The following INSL6 variants were observed in gnomAD, a reference collection of about 807,000 sequenced individuals.
INSL6 encodes the protein insulin-like peptide INSL6.
In INSL6, 16 loss-of-function variants were observed where a neutral mutation model predicts 9.4. That is an observed-to-expected ratio of 1.70 (90% CI 1.15 to 2.59). The LOEUF is 2.59. INSL6 is among the 30% of genes most tolerant of loss of function. INSL6 has a pLI of 0.00. For synonymous variants in INSL6, 154 were observed against 96.9 expected, an observed-to-expected ratio of 1.59 and a Z score of -3.46; for missense variants, 391 against 257.3, an observed-to-expected ratio of 1.52 and a Z score of -3.56.
chr9:5,071,140 A>G, the INSL6 span, among the ~76,000 whole-genome samples: 2 of 152,198 alleles, frequency 1.3e-5, no homozygotes, highest in Non-Finnish European at 2.9e-5. Context: ...GAGAAATCCT[A>G]AATTAAAAGT....
rs79207414 is a variant in INSL6 at position 5,125,791 on chromosome 9, T to C, written c.*11-1280A>G. ...TAGGGTGGGTATGTATATATGTGAA[T>C]TATCTCTTCTGTGCTTTGCCTATCT... On this transcript the variant is annotated intron_variant, in intron 3 of 3. Coordinates refer to the INSL6 transcript ENST00000649639. 4.3e-3 allele frequency among the ~76,000 whole-genome samples: 534 copies of C among 123,426 alleles called. 4 individuals are homozygous for C. Among genetic ancestry groups the C allele is most frequent in the African/African-American group, 0.017 (526 of 30,838 alleles). 81.0% of individuals were successfully genotyped at this position (123,426 alleles called of 152,430 possible).
downstream of INSL6, among the ~76,000 whole-genome samples, chr9:5,121,846 G>C (rs1189661607): frequency 6.6e-6 from 1 of 152,114 alleles, no homozygotes; most frequent in Non-Finnish European, 1.5e-5. Flanking sequence ...AAATGTGCGG[G>C]AAATTACAAT....
At chr9:5,039,899 G>GT in the INSL6 span, among the ~76,000 whole-genome samples, 1 of 152,162 alleles carries the variant, frequency 6.6e-6, no homozygotes, top group African/African-American at 2.4e-5. Context: ...TAATTGATCT[G>GT]TATGTTCAAT....
the INSL6 span, among the ~76,000 whole-genome samples, chr9:5,045,419 A>G: frequency 1.3e-5 from 2 of 152,228 alleles, no homozygotes; most frequent in Admixed American, 1.3e-4. Flanking sequence ...TAAGAGATAT[A>G]TAATAAAAAT....
chr9:5,080,741 G>T, the INSL6 span: 52 of 1,273,952 alleles, frequency 4.1e-5, no homozygotes, highest in East Asian at 9.5e-4. Context: ...TGTATTTAAT[G>T]AATCATTACT....
At chr9:5,175,033 G>A (rs542326347) in intron 1 of INSL6, among the ~76,000 whole-genome samples, 76 of 151,266 alleles carry the variant, frequency 5.0e-4, no homozygotes, top group African/African-American at 1.7e-3. Flanking sequence ...TCTGCCTCCC[G>A]GGTTCACACC....
At chr9:5,061,117 C>G in the INSL6 span, among the ~76,000 whole-genome samples, 2 of 152,202 alleles carry the variant, frequency 1.3e-5, no homozygotes, top group East Asian at 3.8e-4. Flanking sequence ...GTGCTGTCAT[C>G]CAAGCCTTGT....
the INSL6 span, among the ~76,000 whole-genome samples, chr9:5,006,372 A>T: frequency 6.6e-6 from 1 of 152,194 alleles, no homozygotes; most frequent in Non-Finnish European, 1.5e-5. Flanking sequence ...GTTGCTTATC[A>T]GCTTAAGGAG....
the INSL6 span, among the ~76,000 whole-genome samples, chr9:4,996,714 G>A: frequency 5.1e-4 from 78 of 151,700 alleles, no homozygotes; most frequent in Non-Finnish European, 8.1e-4. Context: ...ACCCCTCCCT[G>A]CCACAGACTT....
intron 1 of INSL6, among the ~76,000 whole-genome samples, chr9:5,184,749 C>T (rs754132819): frequency 2.5e-4 from 38 of 152,160 alleles, no homozygotes; most frequent in Non-Finnish European, 4.7e-4. Context: ...GATAGGAGAA[C>T]GGACCAGGCC....
intron 1 of INSL6, among the ~76,000 whole-genome samples, chr9:5,170,777 A>G (rs1211398229): frequency 2.6e-5 from 4 of 152,132 alleles, no homozygotes; most frequent in African/African-American, 9.7e-5. Context: ...ACACCCCCAC[A>G]AGACTAAACC....
chr9:5,057,580 CTTTTTTTTTTTT>C, the INSL6 span, among the ~76,000 whole-genome samples: 1 of 116,800 alleles, frequency 8.6e-6, no homozygotes, highest in Non-Finnish European at 1.7e-5. Flanking sequence ...ATTCTACTTT[CTTTTTTTTTTTT>C]TTTTTTTTTG....
chr9:5,073,784 G>A, the INSL6 span: 3 of 1,595,414 alleles, frequency 1.9e-6, no homozygotes, highest in Non-Finnish European at 2.6e-6. Context: ...GTGGAGACGA[G>A]AGTAAGTAAA....
At chr9:5,158,119 G>T (rs1352814858) in intron 2 of INSL6, among the ~76,000 whole-genome samples, 1 of 152,122 alleles carries the variant, frequency 6.6e-6, no homozygotes, top group Admixed American at 6.5e-5. Flanking sequence ...TAGTGAAACT[G>T]AAGACAGGCT....
chr9:5,142,823 T>C (rs539843069), intron 2 of INSL6, among the ~76,000 whole-genome samples: 4 of 152,338 alleles, frequency 2.6e-5, no homozygotes, highest in East Asian at 3.9e-4. Flanking sequence ...CAGTATGATA[T>C]TGGCTGTGGG....
At chr9:5,035,234 A>C in the INSL6 span, among the ~76,000 whole-genome samples, 1 of 152,252 alleles carries the variant, frequency 6.6e-6, no homozygotes, top group African/African-American at 2.4e-5. Flanking sequence ...AATTGAGGCA[A>C]TAATTAATAG....
chr9:5,130,433 C>CAT (rs1173051964), intron 3 of INSL6, among the ~76,000 whole-genome samples: 1 of 152,068 alleles, frequency 6.6e-6, no homozygotes, highest in Non-Finnish European at 1.5e-5. Context: ...GTAGAGCAGG[C>CAT]ATATTACAGA....
chr9:5,113,255 T>C, the INSL6 span, among the ~76,000 whole-genome samples: 3 of 124,018 alleles, frequency 2.4e-5, no homozygotes, highest in Non-Finnish European at 3.3e-5. Flanking sequence ...CAACAAAACA[T>C]ACACTTTGTC....
chr9:5,175,018 C>A (rs1296518900), intron 1 of INSL6, among the ~76,000 whole-genome samples: 2 of 151,830 alleles, frequency 1.3e-5, no homozygotes, highest in Admixed American at 6.6e-5. Context: ...CGGCTCACTG[C>A]AAGCTCTGCC....
Sources: allele counts gnomAD v4.1 joint callset (sites outside exome capture counted in the v4.1 genomes callset), GRCh38; gene constraint gnomAD v4.1.1; transcripts MANE v1.5; gene names NCBI Gene and HGNC (gene_info 2026-07-23, HGNC 2026-07-21).